The following RANBP10 variants were observed in gnomAD, a reference collection of about 807,000 sequenced individuals.
RANBP10 encodes ran-binding protein 10.
A neutral mutation model predicts 72.8 loss-of-function variants in RANBP10; 24 were observed. The ratio of observed to expected loss-of-function variants is 0.33; its 90% CI spans 0.24 to 0.46. RANBP10 has a LOEUF of 0.46. RANBP10 is among the 20% of genes least tolerant of loss of function. RANBP10 has a pLI of 1.00. For synonymous variants in RANBP10, 310 were observed against 322.3 expected (o/e 0.96, Z 0.41); for missense variants, 679 against 817.5 (o/e 0.83, Z 2.07).
rs778490916 is a variant in RANBP10 at position 67,806,429 on chromosome 16, G to C, written c.108C>G (p.Ser36Arg). Reference sequence around the variant, plus strand: ...CGGGATACAGGCGCTGCAAGCGCCGGCTCAGCTCCTGCTCCCCAGGGGACG... The same window carrying C: ...CGGGATACAGGCGCTGCAAGCGCCGCCTCAGCTCCTGCTCCCCAGGGGACG... ...GLPSPGEQEL[S>R]RRLQRLYPAV... Residue 36 changes from serine to arginine, a missense_variant, in exon 1 of 14, where the codon AGC becomes AGG. Ser to Arg is a moderately radical substitution (Grantham distance 110, BLOSUM62 -1). Coordinates refer to ENST00000317506, the MANE Select transcript of RANBP10 (RefSeq NM_020850.3). The C allele has an allele frequency of 1.2e-5, 19 of 1,594,178 alleles. No homozygotes were observed. In the Admixed American group the frequency reaches 3.3e-4, roughly 28 times the overall value.
rs555424329 is a variant in RANBP10, at chr16:67,787,638, A to G, written c.348-15552T>C. Reference sequence around the variant, plus strand: ...GTGAAAGCAACCTAAGCGTCCATCAACAGAAGAATGGATAAACAAAATGTG... The same window carrying G: ...GTGAAAGCAACCTAAGCGTCCATCAGCAGAAGAATGGATAAACAAAATGTG... On this transcript the variant is annotated intron_variant, in intron 2 of 13. Transcript: ENST00000317506. Among the ~76,000 whole-genome samples the G allele has an allele frequency of 2.4e-4, 37 of 152,302 alleles. No individual in the cohort carries two copies. In the South Asian group the frequency reaches 7.5e-3, roughly 31 times the overall value.
chr16:67,792,915 C>T (rs1348433872), intron 2 of RANBP10, among the ~76,000 whole-genome samples: 4 of 152,048 alleles, frequency 2.6e-5, no homozygotes, highest in Non-Finnish European at 5.9e-5. Context: ...CAAAGCACCC[C>T]GAGAGATTAC....
At chr16:67,761,277 G>A (rs1369996977) in intron 3 of RANBP10, among the ~76,000 whole-genome samples, 1 of 152,198 alleles carries the variant, frequency 6.6e-6, no homozygotes, top group Non-Finnish European at 1.5e-5. Flanking sequence ...TCACTGGAGA[G>A]GGACTTTCTG....
At chr16:67,788,162 C>T (rs926485028) in intron 2 of RANBP10, among the ~76,000 whole-genome samples, 2 of 151,678 alleles carry the variant, frequency 1.3e-5, no homozygotes, top group African/African-American at 4.8e-5. Context: ...GCTTCAGCCT[C>T]TCAAGTAGCT....
chr16:67,754,454 G>A (rs2054252306), intron 3 of RANBP10, among the ~76,000 whole-genome samples: 1 of 152,188 alleles, frequency 6.6e-6, no homozygotes, highest in East Asian at 1.9e-4. Context: ...GGGCTACAAA[G>A]GACAGGACAA....
intron 2 of RANBP10, among the ~76,000 whole-genome samples, chr16:67,789,739 G>A (rs1036244434): frequency 4.6e-5 from 7 of 151,692 alleles, no homozygotes; most frequent in Admixed American, 4.6e-4. Context: ...CCAAAGTGCT[G>A]GGATTACAGG....
chr16:67,804,524 C>T (rs2055297176), intron 2 of RANBP10, among the ~76,000 whole-genome samples: 1 of 152,068 alleles, frequency 6.6e-6, no homozygotes, highest in African/African-American at 2.4e-5. Context: ...GCCTCAGCCT[C>T]CCAAGTAGCT....
chr16:67,764,129 G>A (rs1459189769), intron 3 of RANBP10, among the ~76,000 whole-genome samples: 2 of 152,192 alleles, frequency 1.3e-5, no homozygotes, highest in African/African-American at 4.8e-5. Flanking sequence ...GAGAGAAAGA[G>A]GCAGAGGCTC....
At chr16:67,762,157 C>T (rs183175666) in intron 3 of RANBP10, among the ~76,000 whole-genome samples, 149 of 152,124 alleles carry the variant, frequency 9.8e-4, no homozygotes, top group Non-Finnish European at 1.1e-3. Flanking sequence ...TCCAGCTACT[C>T]GGGAAGCTGA....
intron 3 of RANBP10, among the ~76,000 whole-genome samples, chr16:67,769,870 A>C (rs1215126017): frequency 6.6e-6 from 1 of 151,454 alleles, no homozygotes; most frequent in Non-Finnish European, 1.5e-5. Flanking sequence ...GCTTGAGACC[A>C]GCTGGGGCAA....
At chr16:67,738,888 G>T (rs534799190) in intron 4 of RANBP10, 5 of 152,312 alleles carry the variant, frequency 3.3e-5, no homozygotes, top group Admixed American at 2.6e-4. Flanking sequence ...AAATCCAAAA[G>T]ATCTATCCCC....
At chr16:67,782,429 TTATTTTATTTTA>T (rs2054830105) in intron 2 of RANBP10, among the ~76,000 whole-genome samples, 2 of 151,824 alleles carry the variant, frequency 1.3e-5, no homozygotes, top group Non-Finnish European at 2.9e-5. Flanking sequence ...ACCCAGCCAA[TTATTTTATTTTA>T]TATTTTATTT....
intron 4 of RANBP10, among the ~76,000 whole-genome samples, chr16:67,741,784 T>C (rs2053974428): frequency 1.3e-5 from 2 of 152,132 alleles, no homozygotes; most frequent in Non-Finnish European, 2.9e-5. Context: ...GCAAGGGCTG[T>C]TGACAGAGGA....
intron 3 of RANBP10, among the ~76,000 whole-genome samples, chr16:67,749,187 C>G (rs1218583447): frequency 5.3e-5 from 8 of 152,306 alleles, no homozygotes; most frequent in African/African-American, 1.9e-4. Flanking sequence ...TGACACAGCC[C>G]AGACCCTGGA....
rs1413298507 is a variant in RANBP10 at position 67,727,409 on chromosome 16, G to A, written c.1650C>T (p.Asp550=). The change falls in exon 13 of 14, where the codon GAC becomes GAT. Residue 550 remains aspartate (D), a synonymous_variant. Transcript: ENST00000317506. ...QDAFSLLAYS[D]PWSCPVGQQL... ...GCTGGCCAACTGGGCAGCTCCAGGG[G>A]TCTGAGTATGCCAGCAGGCTGAAGG... 1 of 1,613,986 alleles carries A rather than the reference G, an allele frequency of 6.2e-7. No homozygotes were observed. Among genetic ancestry groups the A allele is most frequent in the Admixed American group, 1.7e-5 (1 of 59,984 alleles).
chr16:67,799,285 C>CTT (rs869030467), intron 2 of RANBP10, among the ~76,000 whole-genome samples: 87 of 113,948 alleles, frequency 7.6e-4, no homozygotes, highest in African/African-American at 1.3e-3. Flanking sequence ...CTCCACATCT[C>CTT]TTTTTTTTTT....
At chr16:67,800,050 G>A (rs2055207292) in intron 2 of RANBP10, among the ~76,000 whole-genome samples, 1 of 152,156 alleles carries the variant, frequency 6.6e-6, no homozygotes, top group Non-Finnish European at 1.5e-5. Context: ...GAACCCAGGA[G>A]GCGGAGGTTT....
At chr16:67,741,790 G>A (rs1597842546) in intron 4 of RANBP10, among the ~76,000 whole-genome samples, 1 of 152,328 alleles carries the variant, frequency 6.6e-6, no homozygotes, top group South Asian at 2.1e-4. Context: ...GCTGTTGACA[G>A]AGGAAAGGAG....
At chr16:67,790,680 G>GT (rs1234975376) in intron 2 of RANBP10, among the ~76,000 whole-genome samples, 1 of 151,556 alleles carries the variant, frequency 6.6e-6, no homozygotes, top group Non-Finnish European at 1.5e-5. Flanking sequence ...GGACCCAACT[G>GT]TTTCTACTTT....
Sources: gnomAD v4.1 joint callset for allele counts (sites outside exome capture counted in the v4.1 genomes callset) on GRCh38, gnomAD v4.1.1 for gene constraint, MANE v1.5 for transcripts, NCBI Gene and HGNC (gene_info 2026-07-23, HGNC 2026-07-21) for gene names.